Variants in STK11IP observed in about 807,000 individuals in gnomAD.
STK11IP encodes serine/threonine kinase 11 interacting protein.
A neutral mutation model predicts 131.7 loss-of-function variants in STK11IP; 103 were observed. That is an observed-to-expected ratio of 0.78 (90% CI 0.67 to 0.92). STK11IP has a LOEUF of 0.92. STK11IP is among the 40% of genes least tolerant of loss of function. The pLI is 0.00. For missense variants in STK11IP, 1,315 were observed against 1,385.7 expected, an observed-to-expected ratio of 0.95 and a Z score of 0.81; for synonymous variants, 557 against 575.6, an observed-to-expected ratio of 0.97 and a Z score of 0.46.
chr2:219,608,976 C>A, intron 15 of STK11IP, 121 bp from the exon 16 acceptor site: 2 of 1,044,980 alleles, frequency 1.9e-6, no homozygotes, highest in Non-Finnish European at 1.4e-6. Flanking sequence ...GGAGCTTGGA[C>A]GTCAGTACAG....
chr2:219,610,778 G>A lies in STK11IP; in HGVS notation c.2105-826G>A, dbSNP rs113456338. Among the ~76,000 whole-genome samples, 16 of 152,262 alleles carry A rather than the reference G, an allele frequency of 1.1e-4. 2 individuals carry two copies. Among genetic ancestry groups the A allele is most frequent in the African/African-American group, 3.9e-4 (16 of 41,552 alleles). On this transcript the variant is annotated intron_variant, in intron 17 of 24. Coordinates refer to ENST00000456909, the MANE Select transcript of STK11IP (RefSeq NM_052902.4). ...TGAACTCACCCCATGGTGCTGTTAC[G>A]CTATTTAAATGTGACAGTAAGGCAC... is the stretch of plus-strand genomic sequence containing the variant.
chr2:219,597,983 C>A (rs1697846305), intron 1 of STK11IP, 60 bp downstream of exon 1: 1 of 1,600,738 alleles, frequency 6.2e-7, no homozygotes, highest in Non-Finnish European at 8.5e-7. Flanking sequence ...CTCTTCCTCT[C>A]TTTTCTTTCT....
chr2:219,611,854 G>C lies in STK11IP; in HGVS notation c.2335+20G>C. 6.2e-7 allele frequency: 1 copy of C among 1,600,192 alleles called. No homozygotes were observed. The stretch of plus-strand genomic sequence containing the variant: ...GTCCCCGTGAGTATAGGCAAAACAA[G>C]ACATAGATGAGTTTGGGGAAGGGAA... On this transcript the variant is annotated intron_variant, in intron 18 of 24. Transcript: ENST00000456909.
intron 24 of STK11IP, 101 bp from the exon 25 acceptor site, chr2:219,615,943 G>T: frequency 6.7e-7 from 1 of 1,490,096 alleles, no homozygotes; most frequent in Admixed American, 1.9e-5. Context: ...GAGAGGCACT[G>T]AGCCAAGGTG....
At chr2:219,609,720 G>C in intron 17 of STK11IP, 180 bp downstream of exon 17, 9 of 611,778 alleles carry the variant, frequency 1.5e-5, no homozygotes, top group Non-Finnish European at 1.6e-5. Flanking sequence ...AAGGAAAACA[G>C]AAAAAAAGAA....
chr2:219,603,039 T>G (rs1234298314), intron 7 of STK11IP, among the ~76,000 whole-genome samples: 2 of 142,604 alleles, frequency 1.4e-5, no homozygotes, highest in African/African-American at 2.7e-5. Flanking sequence ...GTACCTGGTT[T>G]TTTTTTTTTT....
Position 219,608,339 on chromosome 2 carries a change from G to T in STK11IP, c.1512G>T (p.Lys504Asn). 6.3e-7 allele frequency: 1 copy of T among 1,588,266 alleles called. No homozygotes were observed. Among genetic ancestry groups the T allele is most frequent in the East Asian group, 2.3e-5 (1 of 43,506 alleles). Residue 504 changes from lysine (K) to asparagine (N), a missense_variant, in exon 14 of 25, where the codon AAG becomes AAT. Coordinates refer to ENST00000456909, the MANE Select transcript of STK11IP (RefSeq NM_052902.4). ...PQEEEEEKEG[K>N]EEKEEGEMVE... ...AGGAGGAAGAGGAGAAGGAGGGGAA[G>T]GAGGAGAAGGAGGAGGGGGAGATGG...
chr2:219,615,656 G>C, intron 24 of STK11IP: 1 of 649,300 alleles, frequency 1.5e-6, no homozygotes, highest in African/African-American at 1.8e-5. Context: ...CCAGCCGTTT[G>C]GCCTTTGTGA....
At chr2:219,598,223 AGGTG>A in intron 2 of STK11IP, 43 bp downstream of exon 2, 1 of 1,448,106 alleles carries the variant, frequency 6.9e-7, no homozygotes, top group South Asian at 1.3e-5. Flanking sequence ...ACCTCGGACG[AGGTG>A]GGGGTGGTGC....
rs1010490711 is a variant in STK11IP, at chr2:219,607,144, C to T, written c.1219+7C>T. On this transcript the variant is annotated splice_region_variant and intron_variant, in intron 13 of 24. Transcript: ENST00000456909. The stretch of plus-strand genomic sequence containing the variant: ...CTGAACCCCTCTCCGGCTGGTAAGT[C>T]AGCTTCATCCCACTAACCTCTCTCG... The T allele has an allele frequency of 8.1e-6, 13 of 1,613,592 alleles. No homozygotes were observed. The highest frequency in any genetic ancestry group is 2.2e-5 in the East Asian group (1 of 44,890).
chr2:219,609,050 A>G (rs1698299497), intron 15 of STK11IP, 47 bp from the exon 16 acceptor site: 2 of 1,423,350 alleles, frequency 1.4e-6, no homozygotes, highest in South Asian at 2.5e-5. Flanking sequence ...CATCCCTCTG[A>G]TCACCGCCCC....
At chr2:219,609,782 C>A (rs1442358597) in intron 17 of STK11IP, 3 of 479,556 alleles carry the variant, frequency 6.3e-6, no homozygotes, top group Non-Finnish European at 7.6e-6. Flanking sequence ...TCAGGAAATG[C>A]AATCTCTGTA....
At chr2:219,603,484 T>G (rs573731235) in intron 7 of STK11IP, among the ~76,000 whole-genome samples, 3 of 152,190 alleles carry the variant, frequency 2.0e-5, no homozygotes. Context: ...CTGTCAGAGA[T>G]AAAGCCGAAC....
intron 24 of STK11IP, 50 bp downstream of exon 24, chr2:219,615,391 C>G: frequency 1.9e-6 from 3 of 1,564,346 alleles, no homozygotes; most frequent in Non-Finnish European, 2.6e-6. Flanking sequence ...ATGGTGAGCA[C>G]AGGTTGGGGC....
Position 219,609,411 on chromosome 2 carries a change from C to CT in STK11IP, c.1977dup (p.Gly660TrpfsTer10), listed in dbSNP as rs1559184120. The stretch of plus-strand genomic sequence containing the variant: ...AGTCACCAATGTGGCTCGGGAACAG[C>CT]TTGGGGAGGCCAGGGACCTCCTGCT... On this transcript the variant is annotated frameshift_variant, in exon 17 of 25. Transcript: ENST00000456909. LOFTEE classifies it high-confidence loss of function. 6.2e-7 allele frequency: 1 copy of CT among 1,613,452 alleles called. No homozygotes were observed. Among genetic ancestry groups the CT allele is most frequent in the Admixed American group, 1.7e-5 (1 of 59,962 alleles).
rs752585084 is a variant in STK11IP, at chr2:219,609,217, A to C, written c.1926+4A>C. On this transcript the variant is annotated splice_donor_region_variant and intron_variant, in intron 16 of 24. Transcript: ENST00000456909. ...TGATGCCCACGCAGCTGTCCAGGTG[A>C]TGGCGCCCAGAGTGGGGGCCCAGGA... The C allele has an allele frequency of 3.1e-6, 5 of 1,594,960 alleles. No homozygotes were observed. Among genetic ancestry groups the C allele is most frequent in the Admixed American group, 3.5e-5 (2 of 56,932 alleles).
chr2:219,611,571 G>A (rs189945336), intron 17 of STK11IP, 33 bp from the exon 18 acceptor site: 21 of 1,552,216 alleles, frequency 1.4e-5, no homozygotes, highest in Admixed American at 5.0e-5. Context: ...CTGTGGGGGG[G>A]GCTCATGGGG....
chr2:219,606,882 T>C, intron 12 of STK11IP, 24 bp downstream of exon 12: 1 of 1,597,954 alleles, frequency 6.3e-7, no homozygotes, highest in Non-Finnish European at 8.5e-7. Flanking sequence ...TCCGCTGCCT[T>C]GTGCCTGCGG....
rs1181210495 is a variant in STK11IP, at chr2:219,613,884, G to A, written c.2670G>A (p.Leu890=). ...CTGGGGCGGGCCGCTGTGTGCTGCT[G>A]CCCCGAGATGCCAGGCATTGCCGGG... ...WAAGAGRCVL[L]PRDARHCRAF... The change falls in exon 21 of 25, where the codon CTG becomes CTA. Residue 890 remains leucine, a synonymous_variant. Transcript: ENST00000456909. 6.9e-7 allele frequency: 1 copy of A among 1,449,072 alleles called. No individual in the cohort carries two copies. The highest frequency in any genetic ancestry group is 9.3e-7 in the Non-Finnish European group (1 of 1,079,044). The allele number at this position is 1,449,072 out of a possible 1,614,324, so 89.8% of individuals were successfully genotyped here.
Sources: gnomAD v4.1 joint callset for allele counts (sites outside exome capture counted in the v4.1 genomes callset) on GRCh38, gnomAD v4.1.1 for gene constraint, MANE v1.5 for transcripts, NCBI Gene and HGNC (gene_info 2026-07-23, HGNC 2026-07-21) for gene names.